USP6: variants seen among roughly 807,000 people sequenced by gnomAD.
USP6 encodes the protein ubiquitin specific peptidase 6, also known as ubiquitin carboxyl-terminal hydrolase 6.
USP6 carries 128 observed loss-of-function variants against 175.7 expected under a neutral mutation model. The observed-to-expected ratio is 0.73, with a 90% CI of 0.63 to 0.84. The LOEUF (loss-of-function observed/expected upper bound fraction) is 0.84. Ranked by LOEUF, USP6 falls within the 40% of genes least tolerant of loss-of-function variation. The pLI is 0.00. For synonymous variants in USP6, 562 were observed against 630.6 expected (o/e 0.89, Z 1.63); for missense variants, 1,498 against 1,760.3 (o/e 0.85, Z 2.67).
intron 7 of USP6, chr17:5,128,553 A>T (rs1383688109): frequency 6.6e-6 from 1 of 152,432 alleles, no homozygotes; most frequent in Non-Finnish European, 1.5e-5. Flanking sequence ...GGTGACAGTG[A>T]TGAGGAACTG....
chr17:5,161,628 C>A lies in USP6; in HGVS notation c.2915+14C>A. 5.0e-6 allele frequency: 8 copies of A among 1,610,850 alleles called. No homozygotes were observed. The highest frequency in any genetic ancestry group is 1.1e-5 in the South Asian group (1 of 90,706). On this transcript the variant is annotated intron_variant, in intron 32 of 37. Coordinates refer to ENST00000574788, the MANE Select transcript of USP6 (RefSeq NM_001304284.2). ...CCCACAGTATAGGTAAAGTGACCTG[C>A]AAAAGAATTACTTTAGTAGAATTTC...
chr17:5,155,344 A>G (rs2073857974), intron 30 of USP6, 78 bp from the exon 31 acceptor site: 5 of 1,500,758 alleles, frequency 3.3e-6, no homozygotes, highest in Non-Finnish European at 3.6e-6. Context: ...AATGCCTATC[A>G]TTGGCAGAGT....
In USP6 at chr17:5,138,224, G is replaced by C. The variant is rs768000321; in HGVS notation, c.1029G>C (p.Arg343Ser). ...MNDDTVLKHLRASTKKLTRKQ... is the reference protein window; with the variant it reads ...MNDDTVLKHLSASTKKLTRKQ... ...ATGACACCGTGCTCAAGCATCTTAG[G>C]GCCTCTACGAAGAAACTAACAAGGA... Residue 343 changes from arginine (R) to serine (S), a missense_variant, in exon 21 of 38, where the codon AGG becomes AGC. Physicochemically the swap from Arg to Ser is moderately radical, Grantham distance 110. Coordinates refer to ENST00000574788, the MANE Select transcript of USP6 (RefSeq NM_001304284.2). The C allele has an allele frequency of 1.9e-6, 3 of 1,613,988 alleles. No homozygotes were observed. The highest frequency in any genetic ancestry group is 1.7e-6 in the Non-Finnish European group (2 of 1,179,976).
At chr17:5,131,381 C>T (rs2073061094) in intron 11 of USP6, among the ~76,000 whole-genome samples, 1 of 150,382 alleles carries the variant, frequency 6.6e-6, no homozygotes, top group African/African-American at 2.4e-5. Flanking sequence ...CAGCGGATGC[C>T]GGGCAAGATA....
At chr17:5,137,559 G>A in intron 19 of USP6, 92 bp from the exon 20 acceptor site, 1 of 1,317,324 alleles carries the variant, frequency 7.6e-7, no homozygotes, top group East Asian at 2.4e-5. Flanking sequence ...GAAGGTCACT[G>A]ACTCTGGAGA....
At chr17:5,139,147 G>A (rs1421268227) in intron 21 of USP6, 108 bp from the exon 22 acceptor site, 3 of 1,597,792 alleles carry the variant, frequency 1.9e-6, no homozygotes, top group Admixed American at 1.7e-5. Context: ...GACCACAGGG[G>A]CCACACAGAG....
intron 18 of USP6, 27 bp downstream of exon 18, chr17:5,136,761 C>G (rs1567785819): frequency 1.2e-6 from 2 of 1,609,166 alleles, no homozygotes; most frequent in South Asian, 2.2e-5. Context: ...CTCGGCTCTT[C>G]TCAGAGGCCC....
At chr17:5,172,193 T>C (rs980442383) in intron 37 of USP6, among the ~76,000 whole-genome samples, 3 of 139,326 alleles carry the variant, frequency 2.2e-5, no homozygotes, top group African/African-American at 8.0e-5. Flanking sequence ...AAAAAAAAAG[T>C]AGTTAGTTAA....
At chr17:5,168,645 T>G (rs963758566) in intron 34 of USP6, 122 bp from the exon 35 acceptor site, 1 of 1,367,286 alleles carries the variant, frequency 7.3e-7, no homozygotes, top group African/African-American at 1.5e-5. Context: ...TAAAAAATAA[T>G]GAAGAGTAAA....
At chr17:5,131,961 C>A (rs1321464830) in intron 11 of USP6, among the ~76,000 whole-genome samples, 1 of 152,076 alleles carries the variant, frequency 6.6e-6, no homozygotes, top group Admixed American at 6.5e-5. Flanking sequence ...CCAGAGTATA[C>A]CGGGAAGGTC....
chr17:5,159,419 T>C (rs919866867), intron 31 of USP6, among the ~76,000 whole-genome samples: 2 of 152,194 alleles, frequency 1.3e-5, no homozygotes, highest in African/African-American at 4.8e-5. Flanking sequence ...GCATTGATGC[T>C]GATGTCACCA....
rs370208904 is a variant in USP6, at chr17:5,134,004, T to C, written c.494+8T>C. The C allele has an allele frequency of 9.3e-6, 15 of 1,613,014 alleles. No individual in the cohort carries two copies. In the African/African-American group the frequency reaches 1.6e-4, roughly 17 times the overall value. On this transcript the variant is annotated splice_region_variant and intron_variant, in intron 15 of 37. Coordinates refer to ENST00000574788, the MANE Select transcript of USP6 (RefSeq NM_001304284.2). ...GGATCGATATGGAGCCAAGTAAGCC[T>C]ACGGGAGCCACACAGTCCCAGCAGA...
At chr17:5,139,170 C>G (rs768841507) in intron 21 of USP6, 85 bp from the exon 22 acceptor site, 2 of 1,598,182 alleles carry the variant, frequency 1.3e-6, no homozygotes, top group Non-Finnish European at 8.5e-7. Context: ...CCCAAGGACT[C>G]CAGAGATGCA....
intron 31 of USP6, among the ~76,000 whole-genome samples, 162 bp from the exon 32 acceptor site, chr17:5,161,366 G>C (rs1567809379): frequency 6.6e-6 from 1 of 152,176 alleles, no homozygotes; most frequent in Non-Finnish European, 1.5e-5. Context: ...TTTGGTACTG[G>C]GCTGCAGCTA....
At chr17:5,158,343 G>GATC (rs1157947175) in intron 31 of USP6, among the ~76,000 whole-genome samples, 1 of 152,096 alleles carries the variant, frequency 6.6e-6, no homozygotes, top group Non-Finnish European at 1.5e-5. Context: ...GAGGTGGGAG[G>GATC]ATCACTTGAC....
chr17:5,126,550 A>T (rs2072900001), intron 6 of USP6, among the ~76,000 whole-genome samples: 1 of 152,072 alleles, frequency 6.6e-6, no homozygotes, highest in Admixed American at 6.6e-5. Context: ...CCTCCTACTC[A>T]TGCACGTCTC....
In USP6 at chr17:5,133,564, G is replaced by C. The variant is rs748056370; in HGVS notation, c.384+14G>C. 1 of 1,563,514 alleles carries C rather than the reference G, an allele frequency of 6.4e-7. No homozygotes were observed. The stretch of plus-strand genomic sequence containing the variant: ...GGAAGATACCAGGTATGCTCAGCCA[G>C]AGCACAACAAACAGGACAGGCCGTG... On this transcript the variant is annotated intron_variant, in intron 14 of 37. Coordinates refer to ENST00000574788, the MANE Select transcript of USP6 (RefSeq NM_001304284.2).
intron 31 of USP6, among the ~76,000 whole-genome samples, chr17:5,159,900 G>A (rs1185013256): frequency 6.6e-6 from 1 of 151,204 alleles, no homozygotes; most frequent in Admixed American, 6.6e-5. Context: ...AAAGGTGGAG[G>A]CTGCTATGAG....
At chr17:5,150,790 G>A (rs2073750254) in intron 30 of USP6, among the ~76,000 whole-genome samples, 1 of 152,042 alleles carries the variant, frequency 6.6e-6, no homozygotes, top group African/African-American at 2.4e-5. Flanking sequence ...ACTGCACCCA[G>A]CCCAGAAATT....
Sources: gnomAD v4.1 joint callset for allele counts (sites outside exome capture counted in the v4.1 genomes callset) on GRCh38, gnomAD v4.1.1 for gene constraint, MANE v1.5 for transcripts, NCBI Gene and HGNC (gene_info 2026-07-23, HGNC 2026-07-21) for gene names.